Variants in TEAD1 observed in about 807,000 individuals in gnomAD.
TEAD1 encodes TEA domain transcription factor 1, also known as transcriptional enhancer factor TEF-1.
A neutral mutation model predicts 54.9 loss-of-function variants in TEAD1; 9 were observed. The ratio of observed to expected loss-of-function variants is 0.16; its 90% CI spans 0.10 to 0.29. TEAD1 has a LOEUF of 0.29. Ranked by LOEUF, TEAD1 falls within the 10% of genes least tolerant of loss-of-function variation. The pLI, the probability that TEAD1 is intolerant of heterozygous loss-of-function variation, is 1.00. For missense variants in TEAD1, 387 were observed against 535.9 expected, an observed-to-expected ratio of 0.72 and a Z score of 2.74; for synonymous variants, 200 against 187.8, an observed-to-expected ratio of 1.07 and a Z score of -0.53.
intron 3 of TEAD1, among the ~76,000 whole-genome samples, chr11:12,782,038 T>G (rs759577343): frequency 4.7e-5 from 7 of 150,486 alleles, no homozygotes; most frequent in Admixed American, 6.6e-5. Context: ...TAGCCCCTGC[T>G]ACTCAGCTGG....
intron 3 of TEAD1, among the ~76,000 whole-genome samples, chr11:12,831,151 T>C (rs532537014): frequency 1.3e-5 from 2 of 152,330 alleles, no homozygotes; most frequent in African/African-American, 4.8e-5. Flanking sequence ...ATTTCACCAC[T>C]CCATGGTTCC....
At chr11:12,788,650 T>C (rs1179222811) in intron 3 of TEAD1, among the ~76,000 whole-genome samples, 1 of 152,190 alleles carries the variant, frequency 6.6e-6, no homozygotes, top group African/African-American at 2.4e-5. Context: ...ATGTAAGACG[T>C]GGTCCATATT....
At chr11:12,887,201 A>G (rs1948109807) in intron 9 of TEAD1, among the ~76,000 whole-genome samples, 1 of 147,710 alleles carries the variant, frequency 6.8e-6, no homozygotes, top group Admixed American at 6.9e-5. Context: ...GGTTCACTCC[A>G]TTCTCCTGCC....
At chr11:12,771,909 C>T (rs1945318869) in intron 3 of TEAD1, among the ~76,000 whole-genome samples, 1 of 152,166 alleles carries the variant, frequency 6.6e-6, no homozygotes, top group Admixed American at 6.5e-5. Flanking sequence ...TCAACAGAAA[C>T]ACTCAAAGAG....
At chr11:12,783,439 G>A (rs1305406251) in intron 3 of TEAD1, among the ~76,000 whole-genome samples, 1 of 152,078 alleles carries the variant, frequency 6.6e-6, no homozygotes, top group African/African-American at 2.4e-5. Flanking sequence ...TGGAAGACAC[G>A]TGCCAATAGG....
chr11:12,935,789 A>G (rs1367659204), intron 12 of TEAD1, among the ~76,000 whole-genome samples: 1 of 152,152 alleles, frequency 6.6e-6, no homozygotes, highest in Non-Finnish European at 1.5e-5. Flanking sequence ...CTTGTGTGCC[A>G]TGTCCTCAAG....
intron 2 of TEAD1, among the ~76,000 whole-genome samples, chr11:12,684,865 C>G (rs1360350413): frequency 6.6e-6 from 1 of 152,156 alleles, no homozygotes; most frequent in Non-Finnish European, 1.5e-5. Context: ...GAATGGTTGC[C>G]CATCTCTTTA....
At chr11:12,791,600 G>A (rs1259797712) in intron 3 of TEAD1, among the ~76,000 whole-genome samples, 1 of 152,166 alleles carries the variant, frequency 6.6e-6, no homozygotes, top group African/African-American at 2.4e-5. Context: ...GGGTGCGTGT[G>A]GGGATGGAAC....
intron 3 of TEAD1, among the ~76,000 whole-genome samples, chr11:12,852,063 T>G (rs1947285542): frequency 6.6e-6 from 1 of 152,058 alleles, no homozygotes; most frequent in East Asian, 1.9e-4. Context: ...TATACAGGAA[T>G]GAATAGGACT....
intron 3 of TEAD1, among the ~76,000 whole-genome samples, chr11:12,850,768 A>T (rs1259924749): frequency 6.6e-6 from 1 of 152,240 alleles, no homozygotes; most frequent in Non-Finnish European, 1.5e-5. Flanking sequence ...AATAATTAAT[A>T]AATAGAGTGC....
chr11:12,798,566 GTAAA>G, intron 3 of TEAD1, among the ~76,000 whole-genome samples: 1 of 152,190 alleles, frequency 6.6e-6, no homozygotes, highest in African/African-American at 2.4e-5. Context: ...CTGTGGTCAA[GTAAA>G]TGCATGAAGG....
At chr11:12,931,997 C>T (rs575275361) in intron 12 of TEAD1, among the ~76,000 whole-genome samples, 3 of 152,232 alleles carry the variant, frequency 2.0e-5, no homozygotes, top group East Asian at 3.9e-4. Context: ...GGAAATGAGC[C>T]GCAAGGACTC....
intron 3 of TEAD1, among the ~76,000 whole-genome samples, chr11:12,837,958 A>G (rs868532648): frequency 6.6e-6 from 1 of 151,668 alleles, no homozygotes; most frequent in Non-Finnish European, 1.5e-5. Context: ...CACGCCCGCT[A>G]ATTTTTTTGT....
intron 3 of TEAD1, among the ~76,000 whole-genome samples, chr11:12,806,682 C>G (rs534340970): frequency 6.6e-6 from 1 of 152,174 alleles, no homozygotes; most frequent in Non-Finnish European, 1.5e-5. Flanking sequence ...AGCTTGAAAC[C>G]GAGTAGTTTC....
intron 5 of TEAD1, among the ~76,000 whole-genome samples, chr11:12,875,801 C>T (rs1340580001): frequency 6.6e-6 from 1 of 152,198 alleles, no homozygotes; most frequent in Non-Finnish European, 1.5e-5. Context: ...ATTTTAACAT[C>T]CTGCTGTCTT....
chr11:12,724,848 T>C (rs959186514), intron 2 of TEAD1, among the ~76,000 whole-genome samples: 1 of 152,186 alleles, frequency 6.6e-6, no homozygotes, highest in African/African-American at 2.4e-5. Flanking sequence ...GTAGGCAGCC[T>C]TCCCCACCTG....
intron 2 of TEAD1, among the ~76,000 whole-genome samples, chr11:12,732,798 A>G (rs998926281): frequency 6.6e-6 from 1 of 152,226 alleles, no homozygotes; most frequent in African/African-American, 2.4e-5. Flanking sequence ...CCAGCCACCC[A>G]GCTTTTGAGA....
chr11:12,797,737 C>T (rs75842669), intron 3 of TEAD1, among the ~76,000 whole-genome samples: 1 of 152,164 alleles, frequency 6.6e-6, no homozygotes, highest in Non-Finnish European at 1.5e-5. Context: ...CCCTTCATCA[C>T]CAAAACATCC....
At chr11:12,793,576 TTAG>T (rs1945851708) in intron 3 of TEAD1, among the ~76,000 whole-genome samples, 2 of 152,316 alleles carry the variant, frequency 1.3e-5, no homozygotes, top group East Asian at 3.9e-4. Flanking sequence ...GTCTGTCTTA[TTAG>T]TTTGTAGGAC....
Sources: gnomAD v4.1 joint callset for allele counts (sites outside exome capture counted in the v4.1 genomes callset) on GRCh38, gnomAD v4.1.1 for gene constraint, MANE v1.5 for transcripts, NCBI Gene and HGNC (gene_info 2026-07-23, HGNC 2026-07-21) for gene names.